The following RPS6KC1 variants were observed in gnomAD, a reference collection of about 807,000 sequenced individuals.
RPS6KC1 encodes the protein inactive ribosomal protein S6 kinase delta-1.
In RPS6KC1, 54 loss-of-function variants were observed where a neutral mutation model predicts 103.8. The ratio of observed to expected loss-of-function variants is 0.52; its 90% CI spans 0.42 to 0.65. The LOEUF (loss-of-function observed/expected upper bound fraction) is 0.65. Among genes scored for constraint, RPS6KC1 ranks in the 30% least tolerant of loss-of-function variants. The pLI is 0.00. For synonymous variants in RPS6KC1, 439 were observed against 438.7 expected (o/e 1.00, Z -0.01); for missense variants, 1,151 against 1,253.8 (o/e 0.92, Z 1.24).
the RPS6KC1 span, among the ~76,000 whole-genome samples, chr1:213,795,493 G>A: frequency 1.3e-5 from 2 of 152,166 alleles, no homozygotes; most frequent in African/African-American, 4.8e-5. Flanking sequence ...GGGAAACGAT[G>A]CTTTAGTGTG....
the RPS6KC1 span, among the ~76,000 whole-genome samples, chr1:213,345,401 T>A: frequency 6.6e-6 from 1 of 152,254 alleles, no homozygotes; most frequent in Non-Finnish European, 1.5e-5. Flanking sequence ...TATCGTTTGC[T>A]TTTTCTTGTA....
chr1:213,131,018 G>T (rs1315887989), intron 6 of RPS6KC1, among the ~76,000 whole-genome samples: 2 of 151,774 alleles, frequency 1.3e-5, no homozygotes, highest in African/African-American at 4.8e-5. Context: ...TTGTCTTAAA[G>T]AAATTTTTGA....
chr1:213,707,322 T>G, the RPS6KC1 span, among the ~76,000 whole-genome samples: 1 of 152,232 alleles, frequency 6.6e-6, no homozygotes, highest in Non-Finnish European at 1.5e-5. Flanking sequence ...TTTTTTCATA[T>G]GTTTATTGGC....
the RPS6KC1 span, among the ~76,000 whole-genome samples, chr1:213,413,388 A>G: frequency 2.0e-5 from 3 of 152,364 alleles, no homozygotes; most frequent in East Asian, 5.8e-4. Context: ...TTAAAACAAT[A>G]ATAAACACAT....
the RPS6KC1 span, among the ~76,000 whole-genome samples, chr1:213,696,502 CAAAAAAAAAAAAAAAAAA>C: frequency 5.0e-5 from 6 of 120,920 alleles, no homozygotes; most frequent in Admixed American, 7.6e-5. Context: ...AACTCCGTCT[CAAAAAAAAAAAAAAAAAA>C]AAAAAAAAAG....
At chr1:213,243,048 T>G (rs1354947713) in intron 12 of RPS6KC1, among the ~76,000 whole-genome samples, 1 of 152,158 alleles carries the variant, frequency 6.6e-6, no homozygotes, top group Non-Finnish European at 1.5e-5. Context: ...CAGGCTGGAA[T>G]GCAGTGGTGC....
At chr1:213,232,089 TGAGGATA>T (rs752988260) in intron 9 of RPS6KC1, 27 bp from the exon 10 acceptor site, 1 of 1,608,984 alleles carries the variant, frequency 6.2e-7, no homozygotes, top group Admixed American at 1.7e-5. Flanking sequence ...AGGATGCAAC[TGAGGATA>T]CAACTGACCT....
At chr1:213,633,111 T>C in the RPS6KC1 span, among the ~76,000 whole-genome samples, 1 of 152,162 alleles carries the variant, frequency 6.6e-6, no homozygotes, top group Non-Finnish European at 1.5e-5. Context: ...GAAACCAAGT[T>C]GGAAAACACT....
At chr1:213,421,711 C>A in the RPS6KC1 span, among the ~76,000 whole-genome samples, 1 of 152,188 alleles carries the variant, frequency 6.6e-6, no homozygotes, top group African/African-American at 2.4e-5. Flanking sequence ...AACTAAAGGG[C>A]CTGGTGTGGT....
At chr1:213,567,303 G>A in the RPS6KC1 span, among the ~76,000 whole-genome samples, 1 of 152,134 alleles carries the variant, frequency 6.6e-6, no homozygotes, top group Non-Finnish European at 1.5e-5. Flanking sequence ...CTAAGGAGGT[G>A]CTTCAAGGCT....
intron 4 of RPS6KC1, among the ~76,000 whole-genome samples, chr1:213,109,941 G>T (rs942484643): frequency 6.6e-6 from 1 of 151,562 alleles, no homozygotes; most frequent in African/African-American, 2.4e-5. Context: ...TCCTTATTAT[G>T]GCTAAATAAT....
the RPS6KC1 span, among the ~76,000 whole-genome samples, chr1:213,567,387 C>T: frequency 6.6e-6 from 1 of 152,144 alleles, no homozygotes; most frequent in Non-Finnish European, 1.5e-5. Context: ...GACCTAACTC[C>T]CGACTCCATG....
chr1:213,819,830 T>C, the RPS6KC1 span: 2 of 152,110 alleles, frequency 1.3e-5, no homozygotes, highest in African/African-American at 4.8e-5. Flanking sequence ...TCATTTGGAG[T>C]CACTAAATCT....
At chr1:213,756,518 G>A in the RPS6KC1 span, among the ~76,000 whole-genome samples, 30 of 152,266 alleles carry the variant, frequency 2.0e-4, no homozygotes, top group Admixed American at 7.8e-4. Flanking sequence ...TGTTGAACAC[G>A]TCTATCAGCA....
intron 10 of RPS6KC1, among the ~76,000 whole-genome samples, chr1:213,237,198 G>A (rs1269521812): frequency 6.6e-6 from 1 of 151,976 alleles, no homozygotes; most frequent in African/African-American, 2.4e-5. Context: ...ATTAAGAGAG[G>A]CATACACTAT....
At chr1:213,702,081 T>C in the RPS6KC1 span, among the ~76,000 whole-genome samples, 2 of 151,940 alleles carry the variant, frequency 1.3e-5, no homozygotes, top group Non-Finnish European at 2.9e-5. Context: ...ATACTGCTTT[T>C]GCTATATCCT....
chr1:213,205,184 A>C, intron 8 of RPS6KC1: 2 of 913,920 alleles, frequency 2.2e-6, no homozygotes, highest in Non-Finnish European at 1.3e-6. Context: ...CACCAAAAGA[A>C]AGTTGCTATC....
At chr1:213,855,253 G>A in the RPS6KC1 span, among the ~76,000 whole-genome samples, 24 of 152,322 alleles carry the variant, frequency 1.6e-4, no homozygotes, top group African/African-American at 5.3e-4. Context: ...TACAGCAGAT[G>A]TCTATTTCAG....
At chr1:213,621,710 GA>G in the RPS6KC1 span, among the ~76,000 whole-genome samples, 1 of 152,278 alleles carries the variant, frequency 6.6e-6, no homozygotes, top group South Asian at 2.1e-4. Flanking sequence ...AATGCAAAGT[GA>G]AAATGTGGGG....
Sources: allele counts gnomAD v4.1 joint callset (sites outside exome capture counted in the v4.1 genomes callset), GRCh38; gene constraint gnomAD v4.1.1; transcripts MANE v1.5; gene names NCBI Gene and HGNC (gene_info 2026-07-23, HGNC 2026-07-21).